Variants in PNOC observed in about 807,000 individuals in gnomAD.
PNOC encodes the protein nociceptin.
Under a neutral mutation model 15.6 loss-of-function variants are expected in PNOC, and 10 were observed. The observed-to-expected ratio is 0.64, with a 90% confidence interval of 0.40 to 1.09. PNOC has a LOEUF of 1.09. Ranked by LOEUF, PNOC falls within the 50% of genes least tolerant of loss-of-function variation. PNOC has a pLI of 0.01. For missense variants in PNOC, 220 were observed against 223.9 expected (o/e 0.98, Z 0.11); for synonymous variants, 98 against 88.5 (o/e 1.11, Z -0.60).
chr8:28,321,017 A>G (rs1337712955), intron 1 of PNOC, among the ~76,000 whole-genome samples: 1 of 152,090 alleles, frequency 6.6e-6, no homozygotes, highest in Non-Finnish European at 1.5e-5. Flanking sequence ...GTCTTGCTAT[A>G]TTGCCCAGGC....
rs753974288 is a variant in PNOC, at chr8:28,329,266, G to A, written c.109G>A (p.Asp37Asn). 1.2e-6 allele frequency: 2 copies of A among 1,613,642 alleles called. No homozygotes were observed. Among genetic ancestry groups the A allele is most frequent in the Non-Finnish European group, 1.7e-6 (2 of 1,180,032 alleles). The change falls in exon 2 of 4, where the codon GAC (aspartate) becomes AAC (asparagine). Residue 37 changes from aspartate to asparagine, a missense_variant. Physicochemically the swap from Asp to Asn is conservative, Grantham distance 23. Coordinates refer to ENST00000301908, the MANE Select transcript of PNOC (RefSeq NM_006228.5). ...TCQEKLHPAL[D>N]SFDLEVCILE... ...CCAGGAGAAGCTCCACCCAGCCCTG[G>A]ACAGCTTCGACCTGGAGGTAGGTCT...
At chr8:28,328,553 G>A (rs765702383) in intron 1 of PNOC, among the ~76,000 whole-genome samples, 6 of 152,144 alleles carry the variant, frequency 3.9e-5, no homozygotes, top group Non-Finnish European at 7.3e-5. Context: ...CTGCAGCAGG[G>A]AAGGCCAGGA....
At chr8:28,324,555 G>A (rs371718698) in intron 1 of PNOC, among the ~76,000 whole-genome samples, 5 of 152,264 alleles carry the variant, frequency 3.3e-5, no homozygotes, top group East Asian at 3.9e-4. Context: ...CTAGAAAGAC[G>A]GAAACTTAGT....
intron 1 of PNOC, among the ~76,000 whole-genome samples, chr8:28,326,189 TA>T (rs1036758009): frequency 1.1e-4 from 16 of 151,664 alleles, no homozygotes; most frequent in African/African-American, 3.9e-4. Context: ...TCATTTCTGC[TA>T]AAAATTTAAA....
intron 2 of PNOC, among the ~76,000 whole-genome samples, 192 bp downstream of exon 2, chr8:28,329,475 C>T (rs1455812993): frequency 6.6e-6 from 1 of 152,214 alleles, no homozygotes; most frequent in Admixed American, 6.5e-5. Flanking sequence ...TACGATCTTT[C>T]CACCTTACCA....
At chr8:28,333,158 C>T (rs1801355515) in intron 2 of PNOC, among the ~76,000 whole-genome samples, 1 of 152,166 alleles carries the variant, frequency 6.6e-6, no homozygotes, top group African/African-American at 2.4e-5. Flanking sequence ...GTCTCTTGGT[C>T]AGAAGTGGTG....
chr8:28,322,613 T>C (rs1369783837), intron 1 of PNOC, among the ~76,000 whole-genome samples: 1 of 152,226 alleles, frequency 6.6e-6, no homozygotes, highest in Non-Finnish European at 1.5e-5. Context: ...CATAGGGTGA[T>C]GCTTATAAAG....
At chr8:28,328,290 C>A (rs1204703242) in intron 1 of PNOC, among the ~76,000 whole-genome samples, 1 of 151,962 alleles carries the variant, frequency 6.6e-6, no homozygotes, top group African/African-American at 2.4e-5. Flanking sequence ...GTTGGCCAGG[C>A]TGGTCTTGAA....
At position 28,326,149 on chromosome 8, in the gene PNOC, C is replaced by T. The variant is rs2645726; in HGVS notation, c.-23-2986C>T. ...GGAGGAACATTTGAGGCCAGGAGTTCGAGACCAGCCTAGGCAACATGGCGA... is the reference window on the plus strand; with the variant it reads ...GGAGGAACATTTGAGGCCAGGAGTTTGAGACCAGCCTAGGCAACATGGCGA... On this transcript the variant is annotated intron_variant, in intron 1 of 3. Transcript: ENST00000301908. 4.0e-5 allele frequency among the ~76,000 whole-genome samples: 6 copies of T among 151,828 alleles called. No homozygotes were observed. In the South Asian group the frequency reaches 1.3e-3, roughly 32 times the overall value.
intron 1 of PNOC, 99 bp downstream of exon 1, chr8:28,317,415 C>T (rs562649698): frequency 6.6e-6 from 1 of 152,368 alleles, no homozygotes; most frequent in Non-Finnish European, 1.5e-5. Context: ...GCTCCTCGGC[C>T]TCTCTCCTTT....
intron 1 of PNOC, among the ~76,000 whole-genome samples, chr8:28,318,797 A>G (rs749745305): frequency 2.6e-5 from 4 of 152,192 alleles, no homozygotes; most frequent in Non-Finnish European, 5.9e-5. Flanking sequence ...TTGAGGGCGC[A>G]GTTTTGTTGC....
intron 1 of PNOC, among the ~76,000 whole-genome samples, chr8:28,321,034 TTTG>T (rs773684714): frequency 8.2e-4 from 125 of 151,858 alleles, no homozygotes; most frequent in African/African-American, 2.8e-3. Context: ...AGGCAGGTCT[TTTG>T]TTGTTGTTGT....
chr8:28,320,243 G>A (rs1441337076), intron 1 of PNOC, among the ~76,000 whole-genome samples: 2 of 151,504 alleles, frequency 1.3e-5, no homozygotes, highest in Non-Finnish European at 1.5e-5. Flanking sequence ...ATCCCACAGT[G>A]GCTCAGATCC....
chr8:28,330,901 T>A (rs1801321076), intron 2 of PNOC, among the ~76,000 whole-genome samples: 1 of 152,174 alleles, frequency 6.6e-6, no homozygotes, highest in Admixed American at 6.5e-5. Context: ...ATAGCTCAAT[T>A]GTTTTTTACT....
At position 28,330,396 on chromosome 8, in the gene PNOC, A is replaced by ATTTTTTTTTTT. The variant is rs67554549; in HGVS notation, c.126+1119_126+1129dup. ...ATTTTATTTTATTTTATTTTATTTTATTTTTTTTTTTTTTTTGAGACGGAG... is the reference window on the plus strand; with the variant it reads ...ATTTTATTTTATTTTATTTTATTTTATTTTTTTTTTTTTTTTTTTTTTTTTTTGAGACGGAG... On this transcript the variant is annotated intron_variant, in intron 2 of 3. Transcript: ENST00000301908. Among the ~76,000 whole-genome samples the ATTTTTTTTTTT allele has an allele frequency of 3.6e-4, 29 of 80,446 alleles. 1 individual carries two copies. The highest frequency in any genetic ancestry group is 1.0e-3 in the African/African-American group (26 of 25,666). The allele number at this position is 80,446 out of a possible 152,430, so 52.8% of individuals were successfully genotyped here.
chr8:28,327,580 T>G, intron 1 of PNOC, among the ~76,000 whole-genome samples: 1 of 151,654 alleles, frequency 6.6e-6, no homozygotes, highest in Admixed American at 6.6e-5. Flanking sequence ...CTTTTTTTTT[T>G]TTTTGAGATG....
intron 2 of PNOC, among the ~76,000 whole-genome samples, chr8:28,336,557 G>A (rs902306605): frequency 6.6e-6 from 1 of 151,596 alleles, no homozygotes; most frequent in African/African-American, 2.4e-5. Flanking sequence ...CTCAAGGGGT[G>A]TGTGATGAAG....
At chr8:28,325,015 C>T (rs986539141) in intron 1 of PNOC, among the ~76,000 whole-genome samples, 2 of 152,306 alleles carry the variant, frequency 1.3e-5, no homozygotes, top group Admixed American at 6.5e-5. Context: ...CTAATTTCAT[C>T]CCATTTTTGC....
intron 1 of PNOC, among the ~76,000 whole-genome samples, chr8:28,320,428 C>T (rs1342280582): frequency 1.3e-5 from 2 of 152,180 alleles, no homozygotes; most frequent in Non-Finnish European, 2.9e-5. Context: ...TCACAATGGG[C>T]TTCAGGAGAC....
Sources: allele counts gnomAD v4.1 joint callset (sites outside exome capture counted in the v4.1 genomes callset), GRCh38; gene constraint gnomAD v4.1.1; transcripts MANE v1.5; gene names NCBI Gene and HGNC (gene_info 2026-07-23, HGNC 2026-07-21).